The following RAB6C variants were observed in gnomAD, a reference collection of about 807,000 sequenced individuals.
The protein encoded by RAB6C is ras-related protein Rab-6C.
Under a neutral mutation model 17.2 loss-of-function variants are expected in RAB6C, and 8 were observed. The ratio of observed to expected loss-of-function variants is 0.46; its 90% confidence interval spans 0.27 to 0.84. RAB6C has a LOEUF of 0.84. RAB6C is among the 40% of genes least tolerant of loss of function. The pLI is 0.13. For missense variants in RAB6C, 151 were observed against 306.5 expected, an observed-to-expected ratio of 0.49 and a Z score of 3.79; for synonymous variants, 78 against 118.9, an observed-to-expected ratio of 0.66 and a Z score of 2.24.
Position 129,979,778 on chromosome 2 carries a change from A to C in RAB6C, c.-338A>C. 2.4e-6 allele frequency: 1 copy of C among 425,528 alleles called. No homozygotes were observed. The highest frequency in any genetic ancestry group is 4.3e-6 in the Non-Finnish European group (1 of 231,566). The allele number at this position is 425,528 out of a possible 1,614,324, so 26.4% of individuals were successfully genotyped here. A position where few individuals can be genotyped will look rare whatever the true frequency, so the allele number is the denominator to read the frequency against. On this transcript the variant is annotated 5_prime_UTR_variant, in exon 1 of 1. Transcript: ENST00000410061. ...CCGCCACCCTCCGTCTCTCTCCCGC[A>C]GGTCTCTGAGCCGGGTGCGGAAGGA...
rs1226116810 is a variant in RAB6C at position 129,981,832 on chromosome 2, G to T, written c.*952G>T. 1 of 166,730 alleles carries T rather than the reference G, an allele frequency of 6.0e-6. No homozygotes were observed. Among genetic ancestry groups the T allele is most frequent in the African/African-American group, 2.4e-5 (1 of 41,266 alleles). The allele number at this position is 166,730 out of a possible 1,614,324, so 10.3% of individuals were successfully genotyped here. A position where few individuals can be genotyped will look rare whatever the true frequency, so the allele number is the denominator to read the frequency against. On this transcript the variant is annotated 3_prime_UTR_variant, in exon 1 of 1. Coordinates refer to ENST00000410061, the MANE Select transcript of RAB6C (RefSeq NM_032144.3). ...CTTACCAGCAAAAGAACCCTCAGCA[G>T]AATAGCAAAAACTTTGCTCAGGACA... is the stretch of plus-strand genomic sequence containing the variant.
chr2:129,980,503 C>G lies in RAB6C; in HGVS notation c.388C>G (p.Leu130Val). ...IITLVGNRTD[L>V]ADKRQVSVEE... is the part of the protein sequence containing the mutation. The stretch of plus-strand genomic sequence containing the variant: ...CACGCTAGTAGGAAATAGAACAGAT[C>G]TTGCTGACAAGAGGCAAGTGTCAGT... Residue 130 changes from leucine to valine, a missense_variant, in exon 1 of 1, where the codon CTT (leucine) becomes GTT (valine). Coordinates refer to ENST00000410061, the MANE Select transcript of RAB6C (RefSeq NM_032144.3). 1.2e-6 allele frequency: 2 copies of G among 1,614,184 alleles called. No individual in the cohort carries two copies. Among genetic ancestry groups the G allele is most frequent in the East Asian group, 2.2e-5 (1 of 44,874 alleles).
chr2:129,979,893 C>T lies in RAB6C; in HGVS notation c.-223C>T. The T allele has an allele frequency of 1.3e-6, 1 of 771,484 alleles. No homozygotes were observed. The highest frequency in any genetic ancestry group is 2.1e-6 in the Non-Finnish European group (1 of 484,558). The allele number at this position is 771,484 out of a possible 1,614,324, so 47.8% of individuals were successfully genotyped here. ...CCCTTCCCAGCCGCGGGCCTCGCTC[C>T]GTGCTCGGCTACTCTGCCGGGAGGC... On this transcript the variant is annotated 5_prime_UTR_variant, in exon 1 of 1. Transcript: ENST00000410061.
chr2:129,981,200 G>T lies in RAB6C; in HGVS notation c.*320G>T, dbSNP rs1055570295. ...ACTTCCTCAAAACAAACAAGAGATG[G>T]CAAAGCAGCAGTCCGACCAAGCCCA... On this transcript the variant is annotated 3_prime_UTR_variant, in exon 1 of 1. Transcript: ENST00000410061. 9.7e-6 allele frequency: 2 copies of T among 206,786 alleles called. No individual in the cohort carries two copies. The highest frequency in any genetic ancestry group is 4.7e-5 in the African/African-American group (2 of 42,282). 12.8% of individuals were successfully genotyped at this position (206,786 alleles called of 1,614,324 possible).
rs1212390098 is a variant in RAB6C at position 129,979,909 on chromosome 2, G to A, written c.-207G>A. ...GCCTCGCTCCGTGCTCGGCTACTCTGCCGGGAGGCGGCGGCGGCTGCCAGT... is the reference window on the plus strand; with the variant it reads ...GCCTCGCTCCGTGCTCGGCTACTCTACCGGGAGGCGGCGGCGGCTGCCAGT... On this transcript the variant is annotated 5_prime_UTR_variant, in exon 1 of 1. Transcript: ENST00000410061. The A allele has an allele frequency of 9.9e-6, 9 of 904,766 alleles. No homozygotes were observed. The Admixed American group carries it at 2.3e-4, about 23-fold the overall frequency. 56.0% of individuals were successfully genotyped at this position (904,766 alleles called of 1,614,324 possible).
rs1681713528 is a variant in RAB6C, at chr2:129,979,916, G to A, written c.-200G>A. The A allele has an allele frequency of 6.4e-6, 6 of 938,606 alleles. No homozygotes were observed. The highest frequency in any genetic ancestry group is 1.8e-5 in the South Asian group (1 of 55,932). The allele number at this position is 938,606 out of a possible 1,614,324, so 58.1% of individuals were successfully genotyped here. ...TCCGTGCTCGGCTACTCTGCCGGGA[G>A]GCGGCGGCGGCTGCCAGTCTGTGGC... On this transcript the variant is annotated 5_prime_UTR_variant, in exon 1 of 1. Coordinates refer to ENST00000410061, the MANE Select transcript of RAB6C (RefSeq NM_032144.3).
rs773248185 is a variant in RAB6C at position 129,980,428 on chromosome 2, A to C, written c.313A>C (p.Thr105Pro). 1.2e-6 allele frequency: 2 copies of C among 1,613,798 alleles called. No individual in the cohort carries two copies. The highest frequency in any genetic ancestry group is 2.2e-5 in the South Asian group (2 of 91,060). ...AAATGTTAACTCATTCCAGCAAACT[A>C]CAAAGTGGATTGATGATGTCAGAAC... ...ITNVNSFQQT[T>P]KWIDDVRTER... Residue 105 changes from threonine (T) to proline (P), a missense_variant, in exon 1 of 1, where the codon ACA becomes CCA. Around this residue, in one of 2 missense-constraint regions of RAB6C, gnomAD observed 136 missense variants for 200.0 expected, o/e 0.68. Transcript: ENST00000410061.
rs866996080 is a variant in RAB6C at position 129,980,987 on chromosome 2, A to G, written c.*107A>G. On this transcript the variant is annotated 3_prime_UTR_variant, in exon 1 of 1. Coordinates refer to ENST00000410061, the MANE Select transcript of RAB6C (RefSeq NM_032144.3). ...CCGGTGATAACTTTAAAAATTAGAT[A>G]CATTTTCTTAACATTTTTTTCTTTT... The G allele has an allele frequency of 4.3e-5, 62 of 1,448,270 alleles. No homozygotes were observed. The Middle Eastern group carries it at 5.5e-4, about 13-fold the overall frequency. 89.7% of individuals were successfully genotyped at this position (1,448,270 alleles called of 1,614,324 possible). A position where few individuals can be genotyped will look rare whatever the true frequency, so the allele number is the denominator to read the frequency against.
rs1681704229 is a variant in RAB6C, at chr2:129,979,682, T to C, written c.-434T>C. 8.1e-6 allele frequency: 2 copies of C among 247,610 alleles called. No homozygotes were observed. The highest frequency in any genetic ancestry group is 1.6e-5 in the Non-Finnish European group (2 of 124,540). 15.3% of individuals were successfully genotyped at this position (247,610 alleles called of 1,614,324 possible). A position where few individuals can be genotyped will look rare whatever the true frequency, so the allele number is the denominator to read the frequency against. Reference sequence around the variant, plus strand: ...GGCTCGCGCACTCAGCAGGTTGGGCTGCGGCGGCGGCGGCTGGGGAAGCCG... The same window carrying C: ...GGCTCGCGCACTCAGCAGGTTGGGCCGCGGCGGCGGCGGCTGGGGAAGCCG... On this transcript the variant is annotated 5_prime_UTR_variant, in exon 1 of 1. Coordinates refer to ENST00000410061, the MANE Select transcript of RAB6C (RefSeq NM_032144.3).
chr2:129,979,954 C>T lies in RAB6C; in HGVS notation c.-162C>T. The T allele has an allele frequency of 1.5e-6, 2 of 1,302,356 alleles. No homozygotes were observed. The highest frequency in any genetic ancestry group is 2.1e-6 in the Non-Finnish European group (2 of 963,808). The allele number at this position is 1,302,356 out of a possible 1,614,324, so 80.7% of individuals were successfully genotyped here. On this transcript the variant is annotated 5_prime_UTR_variant, in exon 1 of 1. Transcript: ENST00000410061. ...GCCAGTCTGTGGCGAGCCCTGCTGC[C>T]CTCCAGCCGGGCTCCTCCAGCCGGG...
Position 129,979,793 on chromosome 2 carries a change from G to T in RAB6C, c.-323G>T. ...TCTCTCCCGCAGGTCTCTGAGCCGG[G>T]TGCGGAAGGAGGGAACGGCCCTAGC... On this transcript the variant is annotated 5_prime_UTR_variant, in exon 1 of 1. Transcript: ENST00000410061. The T allele has an allele frequency of 2.1e-6, 1 of 467,510 alleles. No individual in the cohort carries two copies. Among genetic ancestry groups the T allele is most frequent in the Non-Finnish European group, 3.9e-6 (1 of 256,240 alleles). 29.0% of individuals were successfully genotyped at this position (467,510 alleles called of 1,614,324 possible). A position where few individuals can be genotyped will look rare whatever the true frequency, so the allele number is the denominator to read the frequency against.
Position 129,979,750 on chromosome 2 carries a change from G to T in RAB6C, c.-366G>T. 1 of 363,786 alleles carries T rather than the reference G, an allele frequency of 2.7e-6. No individual in the cohort carries two copies. Among genetic ancestry groups the T allele is most frequent in the Non-Finnish European group, 5.1e-6 (1 of 195,058 alleles). 22.5% of individuals were successfully genotyped at this position (363,786 alleles called of 1,614,324 possible). A position where few individuals can be genotyped will look rare whatever the true frequency, so the allele number is the denominator to read the frequency against. ...GATCCCGGATACATCTGCGGTTTGG[G>T]CTCCGCCACCCTCCGTCTCTCTCCC... On this transcript the variant is annotated 5_prime_UTR_variant, in exon 1 of 1. Coordinates refer to ENST00000410061, the MANE Select transcript of RAB6C (RefSeq NM_032144.3).
Position 129,980,770 on chromosome 2 carries a change from C to T in RAB6C, c.655C>T (p.Gln219Ter). Residue 219 changes from glutamine (Q) to a stop codon, truncating the protein, a stop_gained, in exon 1 of 1, where the codon CAG becomes TAG. Transcript: ENST00000410061. LOFTEE classifies it high-confidence loss of function. ...TCCCATGTCATCTTCAACCCTTCCTCAGAAGCCCCCTTACTCTTTCATTGA... is the reference window on the plus strand; with the variant it reads ...TCCCATGTCATCTTCAACCCTTCCTTAGAAGCCCCCTTACTCTTTCATTGA... The part of the protein sequence containing the change: ...YSPMSSSTLP[Q>*]KPPYSFIDCS... 1.2e-6 allele frequency: 2 copies of T among 1,606,238 alleles called. No homozygotes were observed. The highest frequency in any genetic ancestry group is 1.7e-6 in the Non-Finnish European group (2 of 1,174,446).
chr2:129,980,415 A>T lies in RAB6C; in HGVS notation c.300A>T (p.Ser100=). 6.2e-7 allele frequency: 1 copy of T among 1,613,702 alleles called. No homozygotes were observed. The highest frequency in any genetic ancestry group is 1.3e-5 in the African/African-American group (1 of 74,728). ...VVVYDITNVN[S]FQQTTKWIDD... ...TTTACGATATCACAAATGTTAACTC[A>T]TTCCAGCAAACTACAAAGTGGATTG... Residue 100 remains serine, a synonymous_variant, in exon 1 of 1, where the codon TCA becomes TCT. Transcript: ENST00000410061.
Position 129,981,104 on chromosome 2 carries a change from A to C in RAB6C, c.*224A>C, listed in dbSNP as rs1681756317. The stretch of plus-strand genomic sequence containing the variant: ...GAGCAGTATGTTCACAGCCTGCTTT[A>C]TCTCTCCTTGCTCTTCTCACCTCTC... On this transcript the variant is annotated 3_prime_UTR_variant, in exon 1 of 1. Transcript: ENST00000410061. 3.9e-6 allele frequency: 2 copies of C among 518,100 alleles called. No individual in the cohort carries two copies. Among genetic ancestry groups the C allele is most frequent in the African/African-American group, 1.9e-5 (1 of 51,800 alleles). 32.1% of individuals were successfully genotyped at this position (518,100 alleles called of 1,614,324 possible). A position where few individuals can be genotyped will look rare whatever the true frequency, so the allele number is the denominator to read the frequency against.
Position 129,980,927 on chromosome 2 carries a change from A to G in RAB6C, c.*47A>G, listed in dbSNP as rs766304499. 6.5e-7 allele frequency: 1 copy of G among 1,548,736 alleles called. No homozygotes were observed. The highest frequency in any genetic ancestry group is 8.7e-7 in the Non-Finnish European group (1 of 1,151,286). ...AAAAAAGTCAGCGTCTTCATTATTT[A>G]TATTTTACAAAAAGCCAAATTATTT... On this transcript the variant is annotated 3_prime_UTR_variant, in exon 1 of 1. Coordinates refer to ENST00000410061, the MANE Select transcript of RAB6C (RefSeq NM_032144.3).
rs375908822 is a variant in RAB6C at position 129,980,792 on chromosome 2, T to C, written c.677T>C (p.Ile226Thr). ...CCTCAGAAGCCCCCTTACTCTTTCATTGACTGCAGTGTGAATATTGGCTTG... is the reference window on the plus strand; with the variant it reads ...CCTCAGAAGCCCCCTTACTCTTTCACTGACTGCAGTGTGAATATTGGCTTG... ...TLPQKPPYSF[I>T]DCSVNIGLNL... The change falls in exon 1 of 1, where the codon ATT becomes ACT. Residue 226 changes from isoleucine to threonine, a missense_variant. Ile to Thr is a moderately conservative substitution (Grantham distance 89, BLOSUM62 -1). Transcript: ENST00000410061. 8.2e-6 allele frequency: 13 copies of C among 1,594,932 alleles called. No homozygotes were observed. Among genetic ancestry groups the C allele is most frequent in the African/African-American group, 8.1e-5 (6 of 73,690 alleles).
Position 129,979,796 on chromosome 2 carries a change from C to A in RAB6C, c.-320C>A, listed in dbSNP as rs10177167. On this transcript the variant is annotated 5_prime_UTR_variant, in exon 1 of 1. Transcript: ENST00000410061. Reference sequence around the variant, plus strand: ...CTCCCGCAGGTCTCTGAGCCGGGTGCGGAAGGAGGGAACGGCCCTAGCCTT... The same window carrying A: ...CTCCCGCAGGTCTCTGAGCCGGGTGAGGAAGGAGGGAACGGCCCTAGCCTT... 20,961 of 455,826 alleles carry A rather than the reference C, an allele frequency of 0.046. No individual in the cohort carries two copies. The highest frequency in any genetic ancestry group is 0.06 in the Non-Finnish European group (14,825 of 247,190). 28.2% of individuals were successfully genotyped at this position (455,826 alleles called of 1,614,324 possible).
At position 129,979,886 on chromosome 2, in the gene RAB6C, C is replaced by G; in HGVS notation, c.-230C>G. ...CCTCCTTCCCTTCCCAGCCGCGGGC[C>G]TCGCTCCGTGCTCGGCTACTCTGCC... On this transcript the variant is annotated 5_prime_UTR_variant, in exon 1 of 1. Coordinates refer to ENST00000410061, the MANE Select transcript of RAB6C (RefSeq NM_032144.3). The G allele has an allele frequency of 1.4e-6, 1 of 738,196 alleles. No homozygotes were observed. Among genetic ancestry groups the G allele is most frequent in the Non-Finnish European group, 2.2e-6 (1 of 451,924 alleles). The allele number at this position is 738,196 out of a possible 1,614,324, so 45.7% of individuals were successfully genotyped here.
Sources: allele counts gnomAD v4.1 joint callset, GRCh38; gene constraint gnomAD v4.1.1; regional missense constraint gnomAD v4.1.1; transcripts MANE v1.5; gene names NCBI Gene and HGNC (gene_info 2026-07-23, HGNC 2026-07-21).